Variants in DLG1 observed in about 807,000 individuals in gnomAD.
DLG1 encodes discs large MAGUK scaffold protein 1, also known as disks large homolog 1.
A neutral mutation model predicts 123.4 loss-of-function variants in DLG1; 42 were observed. The ratio of observed to expected loss-of-function variants is 0.34; its 90% CI spans 0.27 to 0.44. The LOEUF (loss-of-function observed/expected upper bound fraction) is 0.44, where lower values mean the gene tolerates loss of function less well. Ranked by LOEUF, DLG1 falls within the 20% of genes least tolerant of loss-of-function variation. The pLI is 1.00. For missense variants in DLG1, 942 were observed against 1,082.6 expected, an observed-to-expected ratio of 0.87 and a Z score of 1.82; for synonymous variants, 317 against 356.2, an observed-to-expected ratio of 0.89 and a Z score of 1.24.
intron 3 of DLG1, among the ~76,000 whole-genome samples, chr3:197,288,234 C>G (rs1361665197): frequency 6.6e-6 from 1 of 151,548 alleles, no homozygotes; most frequent in African/African-American, 2.4e-5. Flanking sequence ...CGTGGTGGCG[C>G]ACGCCTGTAA....
chr3:197,263,578 G>A (rs191359801), intron 4 of DLG1, among the ~76,000 whole-genome samples: 92 of 152,228 alleles, frequency 6.0e-4, no homozygotes, highest in Non-Finnish European at 1.1e-3. Flanking sequence ...CTTGAGGTCC[G>A]GAGTTCGAGA....
chr3:197,054,791 C>T (rs929997930), intron 23 of DLG1, among the ~76,000 whole-genome samples: 3 of 151,852 alleles, frequency 2.0e-5, no homozygotes, highest in Admixed American at 6.6e-5. Flanking sequence ...ACCACAGGCT[C>T]GTGCCACCAT....
At position 197,147,432 on chromosome 3, in the gene DLG1, GCACACACACACACACACA is replaced by G. The variant is rs67643945; in HGVS notation, c.537+2293_537+2310del. On this transcript the variant is annotated intron_variant, in intron 6 of 24. Transcript: ENST00000667157. Reference sequence around the variant, plus strand: ...TGAGTGGATAAAAAATATATGGTGTGCACACACACACACACACACACACACACACACACACACACCATG... The same window carrying G: ...TGAGTGGATAAAAAATATATGGTGTGCACACACACACACACACACACCATG... Among the ~76,000 whole-genome samples the G allele has an allele frequency of 7.5e-5, 11 of 147,192 alleles. 1 individual carries two copies. The South Asian group carries it at 1.3e-3, about 18-fold the overall frequency.
intron 11 of DLG1, among the ~76,000 whole-genome samples, chr3:197,129,953 A>G (rs1473289707): frequency 6.6e-6 from 1 of 152,230 alleles, no homozygotes; most frequent in Non-Finnish European, 1.5e-5. Context: ...AGATATAATA[A>G]TAATGAAAAA....
intron 13 of DLG1, among the ~76,000 whole-genome samples, chr3:197,105,873 A>G (rs569125579): frequency 6.6e-6 from 1 of 152,348 alleles, no homozygotes; most frequent in South Asian, 2.1e-4. Context: ...GGCAATGTTC[A>G]GGACCTTCAC....
At chr3:197,271,543 A>G (rs1244432269) in intron 4 of DLG1, among the ~76,000 whole-genome samples, 2 of 152,200 alleles carry the variant, frequency 1.3e-5, no homozygotes, top group African/African-American at 4.8e-5. Context: ...TTAAAAACAG[A>G]CACCTAACAA....
At position 197,157,716 on chromosome 3, in the gene DLG1, C is replaced by T. The variant is rs368654393; in HGVS notation, c.484-7920G>A. On this transcript the variant is annotated intron_variant, in intron 5 of 24. Coordinates refer to ENST00000667157, the MANE Select transcript of DLG1 (RefSeq NM_001366207.1). ...ATCCTAAAAGTCACATAGAATTTCA[C>T]GGTACCCTGAAAGCCAAAATGGTAA... Among the ~76,000 whole-genome samples the T allele has an allele frequency of 1.6e-4, 24 of 152,186 alleles. No homozygotes were observed. The East Asian group carries it at 2.5e-3, about 16-fold the overall frequency.
intron 5 of DLG1, among the ~76,000 whole-genome samples, chr3:197,162,884 C>T (rs1031753604): frequency 2.0e-5 from 3 of 151,932 alleles, no homozygotes; most frequent in African/African-American, 7.3e-5. Context: ...TTTTGTGCAC[C>T]AAAGGGCATT....
At chr3:197,158,792 T>C (rs892714307) in intron 5 of DLG1, among the ~76,000 whole-genome samples, 8 of 152,198 alleles carry the variant, frequency 5.3e-5, no homozygotes, top group African/African-American at 1.9e-4. Flanking sequence ...GACGATGTTC[T>C]ATTCATCTTC....
At chr3:197,068,330 G>C (rs1741165741) in intron 19 of DLG1, among the ~76,000 whole-genome samples, 1 of 151,988 alleles carries the variant, frequency 6.6e-6, no homozygotes, top group African/African-American at 2.4e-5. Context: ...ACCCTATAGT[G>C]GGTTCTGGTT....
At chr3:197,070,565 A>ATTTTTTTCTTTTTTTTTTTTTTTT in intron 18 of DLG1, 1 of 76,190 alleles carries the variant, frequency 1.3e-5, no homozygotes, top group Non-Finnish European at 2.6e-5. Context: ...TGGAAATTTC[A>ATTTTTTTCTTTTTTTTTTTTTTTT]TTTTTTTTTT....
At chr3:197,220,639 T>G (rs1007354452) in intron 4 of DLG1, among the ~76,000 whole-genome samples, 1 of 149,060 alleles carries the variant, frequency 6.7e-6, no homozygotes, top group Non-Finnish European at 1.5e-5. Context: ...AAGGAGTTTT[T>G]GGACTTTTTT....
intron 15 of DLG1, 112 bp downstream of exon 15, chr3:197,090,800 T>C (rs1757332755): frequency 1.1e-5 from 6 of 566,508 alleles, no homozygotes; most frequent in Non-Finnish European, 1.9e-5. Flanking sequence ...ACAACACTGA[T>C]TGGCAATATA....
chr3:197,288,719 C>T (rs145638032), intron 3 of DLG1, among the ~76,000 whole-genome samples: 2,563 of 61,862 alleles, frequency 0.041, 90 homozygotes, highest in South Asian at 0.062. Context: ...GAAACTGTCT[C>T]AAAAAAAAAA....
At chr3:197,055,272 T>C (rs1360515447) in intron 23 of DLG1, among the ~76,000 whole-genome samples, 3 of 152,220 alleles carry the variant, frequency 2.0e-5, no homozygotes, top group African/African-American at 7.2e-5. Context: ...TGAGACTTTG[T>C]CCATGTCTTT....
intron 5 of DLG1, among the ~76,000 whole-genome samples, chr3:197,192,544 C>A (rs1720176268): frequency 1.3e-5 from 2 of 151,930 alleles, no homozygotes; most frequent in South Asian, 4.2e-4. Flanking sequence ...TGGTAAACAG[C>A]CAAAAAATCA....
At chr3:197,277,866 C>T (rs1338080031) in intron 4 of DLG1, among the ~76,000 whole-genome samples, 1 of 152,140 alleles carries the variant, frequency 6.6e-6, no homozygotes. Context: ...GGGTGTGGTA[C>T]CTTACACCTG....
intron 4 of DLG1, among the ~76,000 whole-genome samples, chr3:197,267,969 T>C (rs1319052229): frequency 6.6e-6 from 1 of 152,156 alleles, no homozygotes; most frequent in African/African-American, 2.4e-5. Context: ...ACAGTGGGAT[T>C]CTAAAAGAAA....
At chr3:197,117,524 G>T (rs1278090717) in intron 12 of DLG1, among the ~76,000 whole-genome samples, 1 of 152,148 alleles carries the variant, frequency 6.6e-6, no homozygotes, top group Non-Finnish European at 1.5e-5. Context: ...TCTGATACAT[G>T]CTAACAAATG....
Sources: gnomAD v4.1 joint callset for allele counts (sites outside exome capture counted in the v4.1 genomes callset) on GRCh38, gnomAD v4.1.1 for gene constraint, MANE v1.5 for transcripts, NCBI Gene and HGNC (gene_info 2026-07-23, HGNC 2026-07-21) for gene names.